Variants in SP2 observed in about 807,000 individuals in gnomAD.
SP2 encodes Sp2 transcription factor.
SP2 carries 9 observed loss-of-function variants against 50.1 expected under a neutral mutation model. The ratio of observed to expected loss-of-function variants is 0.18; its 90% CI spans 0.11 to 0.31. The LOEUF is 0.31. Among genes scored for constraint, SP2 ranks in the 10% least tolerant of loss-of-function variants. The pLI is 1.00. For synonymous variants in SP2, 313 were observed against 326.6 expected (o/e 0.96, Z 0.45); for missense variants, 581 against 806.5 (o/e 0.72, Z 3.39).
chr17:47,901,399 C>G (rs1228684150), intron 1 of SP2, among the ~76,000 whole-genome samples: 2 of 151,964 alleles, frequency 1.3e-5, no homozygotes, highest in African/African-American at 4.8e-5. Flanking sequence ...TCCGCCTCAG[C>G]CTCCCAAAGT....
At chr17:47,920,668 G>A (rs1414985791) in intron 3 of SP2, among the ~76,000 whole-genome samples, 2 of 151,956 alleles carry the variant, frequency 1.3e-5, no homozygotes, top group African/African-American at 2.4e-5. Flanking sequence ...TGATCCACCC[G>A]CCTCGGCCTC....
At chr17:47,925,666 C>A in intron 6 of SP2, 125 bp downstream of exon 6, 1 of 722,728 alleles carries the variant, frequency 1.4e-6, no homozygotes. Flanking sequence ...GCAAAAGCTA[C>A]AGACTATCTA....
downstream of SP2, chr17:47,929,855 T>G (rs1412364005): frequency 1.3e-5 from 2 of 152,618 alleles, no homozygotes; most frequent in Non-Finnish European, 2.9e-5. Context: ...GCTGTTCTGT[T>G]CAGGAGTGGC....
intron 1 of SP2, 66 bp downstream of exon 1, chr17:47,896,359 C>A (rs1407163945): frequency 2.5e-6 from 3 of 1,215,672 alleles, no homozygotes; most frequent in Non-Finnish European, 3.1e-6. Flanking sequence ...GGGCAGAGGC[C>A]GCGGGGAGAG....
intron 1 of SP2, chr17:47,897,802 G>T: frequency 1.1e-6 from 1 of 947,186 alleles, no homozygotes; most frequent in Non-Finnish European, 1.3e-6. Context: ...TTAAATTCTT[G>T]TGTGCGATGA....
At chr17:47,923,722 C>T (rs1003026350) in intron 4 of SP2, among the ~76,000 whole-genome samples, 1 of 152,108 alleles carries the variant, frequency 6.6e-6, no homozygotes, top group African/African-American at 2.4e-5. Context: ...GTAGGGGGAG[C>T]TCTCTGAATT....
intron 6 of SP2, among the ~76,000 whole-genome samples, chr17:47,925,930 T>C (rs1170678528): frequency 3.7e-5 from 4 of 107,124 alleles, no homozygotes; most frequent in African/African-American, 1.3e-4. Flanking sequence ...TTTTTTTTTT[T>C]TTTGGAGATG....
rs2035201364 is a variant in SP2, at chr17:47,916,357, A to T, written c.286A>T (p.Ile96Phe). 2 of 1,613,990 alleles carry T rather than the reference A, an allele frequency of 1.2e-6. No homozygotes were observed. Among genetic ancestry groups the T allele is most frequent in the East Asian group, 4.5e-5 (2 of 44,888 alleles). ...GTCCTCCAAAGGAAATATACTTCAG[A>T]TTCAGGGGTCACAACTGAGCGCCTC... ...ILSSKGNILQ[I>F]QGSQLSASYP... is the part of the protein sequence containing the mutation. Residue 96 changes from isoleucine to phenylalanine, a missense_variant, in exon 3 of 7, where the codon ATT becomes TTT. Transcript: ENST00000376741. The surrounding 1 kb of genome is among the most constrained non-coding windows in gnomAD (Gnocchi z 4.7).
At chr17:47,930,507 T>G (rs2035796481), downstream of SP2, among the ~76,000 whole-genome samples, 1 of 152,212 alleles carries the variant, frequency 6.6e-6, no homozygotes, top group African/African-American at 2.4e-5. Context: ...TCAAAAGTTA[T>G]GTCTGATCAT....
downstream of SP2, among the ~76,000 whole-genome samples, chr17:47,929,290 C>T (rs902923203): frequency 7.9e-5 from 12 of 152,246 alleles, no homozygotes; most frequent in African/African-American, 2.9e-4. Context: ...TTAGCTCTTC[C>T]ACCCACCTCC....
At chr17:47,931,438 A>G (rs1018514401), downstream of SP2, among the ~76,000 whole-genome samples, 1 of 152,176 alleles carries the variant, frequency 6.6e-6, no homozygotes, top group African/African-American at 2.4e-5. Flanking sequence ...GCCACACGAC[A>G]TATTTTGAGG....
intron 1 of SP2, among the ~76,000 whole-genome samples, chr17:47,902,062 G>C (rs2034564811): frequency 6.6e-6 from 1 of 152,184 alleles, no homozygotes; most frequent in South Asian, 2.1e-4. Flanking sequence ...AATTTACATA[G>C]GGTGATCAGG....
intron 1 of SP2, among the ~76,000 whole-genome samples, chr17:47,900,684 C>A (rs550767987): frequency 6.6e-6 from 1 of 152,136 alleles, no homozygotes; most frequent in South Asian, 2.1e-4. Context: ...GGCTGAGGCA[C>A]GGGAATCACT....
At chr17:47,927,658 A>T in intron 6 of SP2, 66 bp from the exon 7 acceptor site, 1 of 1,121,270 alleles carries the variant, frequency 8.9e-7, no homozygotes, top group Non-Finnish European at 1.3e-6. Flanking sequence ...CACGCACCCC[A>T]CCTTTTTGGG....
chr17:47,901,037 A>G (rs752937156), intron 1 of SP2, among the ~76,000 whole-genome samples: 8 of 152,146 alleles, frequency 5.3e-5, no homozygotes, highest in Non-Finnish European at 1.0e-4. Context: ...TTCCAGTACA[A>G]TGGGATGTGA....
intron 1 of SP2, chr17:47,909,606 A>G (rs2034900858): frequency 1.7e-6 from 1 of 600,674 alleles, no homozygotes; most frequent in South Asian, 7.3e-5. Flanking sequence ...ATGCAGTGAT[A>G]TAAATTATTA....
chr17:47,920,768 T>G (rs2035423986), intron 3 of SP2, among the ~76,000 whole-genome samples: 1 of 152,206 alleles, frequency 6.6e-6, no homozygotes, highest in Non-Finnish European at 1.5e-5. Context: ...TTCTTTTTTT[T>G]TATAAAATCA....
At position 47,916,085 on chromosome 17, in the gene SP2, G is replaced by C; in HGVS notation, c.85-71G>C. The C allele has an allele frequency of 6.6e-7, 1 of 1,526,456 alleles. No individual in the cohort carries two copies. The highest frequency in any genetic ancestry group is 1.3e-5 in the South Asian group (1 of 78,052). The allele number at this position is 1,526,456 out of a possible 1,614,324, so 94.6% of individuals were successfully genotyped here. A position where few individuals can be genotyped will look rare whatever the true frequency, so the allele number is the denominator to read the frequency against. On this transcript the variant is annotated intron_variant, in intron 2 of 6. Coordinates refer to ENST00000376741, the MANE Select transcript of SP2 (RefSeq NM_003110.6). The surrounding 1 kb of genome is among the most constrained non-coding windows in gnomAD (Gnocchi z 4.7). ...GGCGTGGAATGCCGCCAGGAGGAGA[G>C]GATCATGGACAGAGGCGGCCGGGCA...
intron 1 of SP2, among the ~76,000 whole-genome samples, chr17:47,903,431 C>T (rs1287697225): frequency 5.3e-5 from 8 of 151,120 alleles, no homozygotes; most frequent in Admixed American, 3.3e-4. Flanking sequence ...TTTGGGAGGC[C>T]GAGGCGGGCA....
Sources: allele counts gnomAD v4.1 joint callset (sites outside exome capture counted in the v4.1 genomes callset), GRCh38; gene constraint gnomAD v4.1.1; non-coding constraint Gnocchi (gnomAD v3.1); transcripts MANE v1.5; gene names NCBI Gene and HGNC (gene_info 2026-07-23, HGNC 2026-07-21).